The following SACS variants were observed in gnomAD, a reference collection of about 807,000 sequenced individuals.
The protein encoded by SACS is sacsin molecular chaperone.
SACS carries 197 observed loss-of-function variants against 348.0 expected under a neutral mutation model. The ratio of observed to expected loss-of-function variants is 0.57; its 90% CI spans 0.50 to 0.64. The LOEUF (loss-of-function observed/expected upper bound fraction) is 0.64. SACS is among the 30% of genes least tolerant of loss of function. The pLI, the probability that SACS is intolerant of heterozygous loss-of-function variation, is 0.00. For synonymous variants in SACS, 1,985 were observed against 1,910.6 expected, an observed-to-expected ratio of 1.04 and a Z score of -1.02; for missense variants, 4,999 against 5,360.8, an observed-to-expected ratio of 0.93 and a Z score of 2.11.
intron 2 of SACS, among the ~76,000 whole-genome samples, chr13:23,395,245 T>A (rs1872668564): frequency 6.6e-6 from 1 of 152,058 alleles, no homozygotes; most frequent in African/African-American, 2.4e-5. Context: ...TAGTTAAGAG[T>A]ATGGGAGCTT....
intron 2 of SACS, among the ~76,000 whole-genome samples, chr13:23,379,858 C>T (rs1871969724): frequency 6.6e-6 from 1 of 152,152 alleles, no homozygotes; most frequent in African/African-American, 2.4e-5. Context: ...ATGAACAGGG[C>T]TTCCCTGGGC....
At chr13:23,376,805 G>A (rs1363056262) in intron 2 of SACS, among the ~76,000 whole-genome samples, 1 of 152,152 alleles carries the variant, frequency 6.6e-6, no homozygotes, top group Admixed American at 6.5e-5. Flanking sequence ...TAATCCCAGC[G>A]CTTTGGGAGG....
intron 2 of SACS, among the ~76,000 whole-genome samples, chr13:23,377,655 T>G (rs1387843532): frequency 1.3e-5 from 2 of 152,196 alleles, no homozygotes; most frequent in African/African-American, 2.4e-5. Flanking sequence ...TGTGCATATG[T>G]GTTCCTTCCT....
intron 9 of SACS, chr13:23,346,916 A>G (rs1869642990): frequency 2.2e-6 from 1 of 450,982 alleles, no homozygotes; most frequent in Non-Finnish European, 2.9e-6. Context: ...ATTATTCTGT[A>G]TCTTAAGATA....
At chr13:23,397,262 A>G (rs530044246) in intron 2 of SACS, among the ~76,000 whole-genome samples, 1 of 152,316 alleles carries the variant, frequency 6.6e-6, no homozygotes, top group Non-Finnish European at 1.5e-5. Flanking sequence ...TGTTTTCATT[A>G]AGGGAAAAGA....
chr13:23,334,316 A>C lies in SACS; in HGVS notation c.9560T>G (p.Leu3187Trp). 1.2e-6 allele frequency: 2 copies of C among 1,610,070 alleles called. No individual in the cohort carries two copies. Among genetic ancestry groups the C allele is most frequent in the Non-Finnish European group, 1.7e-6 (2 of 1,177,730 alleles). Residue 3187 changes from leucine to tryptophan, a missense_variant, in exon 10 of 10, where the codon TTG (leucine) becomes TGG (tryptophan). By Grantham distance (61) the Leu-to-Trp change is moderately conservative. Transcript: ENST00000382292. The stretch of plus-strand genomic sequence containing the variant: ...TTTCAAATATAATGTATTCATAAAC[A>C]AGTCTTTGCGGGATGGAATCAATTC... ...YHELIPSRKDLFMNTLYLKYS... is the reference protein window; with the variant it reads ...YHELIPSRKDWFMNTLYLKYS...
intron 9 of SACS, among the ~76,000 whole-genome samples, chr13:23,350,694 G>T (rs1869892946): frequency 6.6e-6 from 1 of 152,124 alleles, no homozygotes. Flanking sequence ...TCATTATGTA[G>T]AGCAAAAAAT....
intron 1 of SACS, chr13:23,428,919 A>G (rs1415799229): frequency 6.6e-6 from 1 of 152,200 alleles, no homozygotes; most frequent in Non-Finnish European, 1.5e-5. Context: ...TTTTGTATGT[A>G]GTTTATCTGG....
intron 1 of SACS, among the ~76,000 whole-genome samples, chr13:23,422,759 C>T (rs1226051404): frequency 1.3e-5 from 2 of 151,746 alleles, no homozygotes; most frequent in African/African-American, 2.4e-5. Context: ...CCTGGGTTCA[C>T]GCCATTCTCC....
At position 23,332,424 on chromosome 13, in the gene SACS, C is replaced by G; in HGVS notation, c.11452G>C (p.Glu3818Gln). ...PEEVVINLEY[E>Q]SDFKPYLYKL... is the part of the protein sequence containing the mutation. ...TACAAATAAGGTTTAAAATCAGATT[C>G]ATATTCTAGGTTTATGACTACCTCC... Residue 3818 changes from glutamate (E) to glutamine (Q), a missense_variant, in exon 10 of 10, where the codon GAA (glutamate) becomes CAA (glutamine). Coordinates refer to ENST00000382292, the MANE Select transcript of SACS (RefSeq NM_014363.6). The G allele has an allele frequency of 6.2e-7, 1 of 1,613,910 alleles. No homozygotes were observed. The highest frequency in any genetic ancestry group is 8.5e-7 in the Non-Finnish European group (1 of 1,179,924).
Position 23,340,566 on chromosome 13 carries a change from C to T in SACS, c.3310G>A (p.Val1104Met). The T allele has an allele frequency of 6.2e-7, 1 of 1,613,476 alleles. No individual in the cohort carries two copies. The highest frequency in any genetic ancestry group is 8.5e-7 in the Non-Finnish European group (1 of 1,179,834). The change falls in exon 10 of 10, where the codon GTG (valine) becomes ATG (methionine). Residue 1104 changes from valine (V) to methionine (M), a missense_variant. Val to Met is a conservative substitution (Grantham distance 21, BLOSUM62 1). Transcript: ENST00000382292. ...GCTTCAATTTTTTTTGCCACTTGCA[C>T]AACATCCTTTTCTTTGAGACTGGCT... ...NEASLKEKDV[V>M]QVAKKIEALQ...
chr13:23,410,803 T>A (rs1397174871), intron 2 of SACS, among the ~76,000 whole-genome samples: 4 of 152,178 alleles, frequency 2.6e-5, no homozygotes, highest in Non-Finnish European at 5.9e-5. Flanking sequence ...AAGGGAAAAG[T>A]GGAGTTCTCT....
At chr13:23,409,233 T>A (rs990317440) in intron 2 of SACS, among the ~76,000 whole-genome samples, 1 of 149,056 alleles carries the variant, frequency 6.7e-6, no homozygotes, top group African/African-American at 2.5e-5. Flanking sequence ...GTTTTTAGTA[T>A]TTTAGTAGAG....
In SACS at chr13:23,339,359, C is replaced by T; in HGVS notation, c.4517G>A (p.Arg1506Lys). ...CATCCCTGGGTCTAGGAGATTCTCT[C>T]TTATGTCCATATTTCTTCTCATATC... is the stretch of plus-strand genomic sequence containing the variant. Reference protein sequence around the residue: ...LIDMRRNMDIRENLLDPGMAA... With the variant: ...LIDMRRNMDIKENLLDPGMAA... Residue 1506 changes from arginine to lysine, a missense_variant, in exon 10 of 10, where the codon AGA becomes AAA. This residue lies in a region of SACS where 3,156 missense variants were observed against 3,380.1 expected (regional missense o/e 0.93). Transcript: ENST00000382292. 1 of 1,613,512 alleles carries T rather than the reference C, an allele frequency of 6.2e-7. No individual in the cohort carries two copies. Among genetic ancestry groups the T allele is most frequent in the Non-Finnish European group, 8.5e-7 (1 of 1,179,822 alleles).
chr13:23,397,480 A>C (rs1167829329), intron 2 of SACS, among the ~76,000 whole-genome samples: 2 of 152,236 alleles, frequency 1.3e-5, no homozygotes, highest in Non-Finnish European at 2.9e-5. Flanking sequence ...GTCTCTGTTA[A>C]AATGACAAAG....
chr13:23,329,907 T>A lies in SACS; in HGVS notation c.*229A>T, dbSNP rs1883357455. On this transcript the variant is annotated 3_prime_UTR_variant, in exon 10 of 10. Transcript: ENST00000382292. The stretch of plus-strand genomic sequence containing the variant: ...TGATGTATCATCCCAATCATTCAAA[T>A]CCATCCAGCTATTTTGCAGCTCACC... 1.8e-6 allele frequency: 1 copy of A among 564,206 alleles called. No individual in the cohort carries two copies. The highest frequency in any genetic ancestry group is 3.2e-6 in the Non-Finnish European group (1 of 317,034). The allele number at this position is 564,206 out of a possible 1,614,324, so 34.9% of individuals were successfully genotyped here. A position where few individuals can be genotyped will look rare whatever the true frequency, so the allele number is the denominator to read the frequency against.
At chr13:23,382,032 T>C (rs1872077659) in intron 2 of SACS, among the ~76,000 whole-genome samples, 1 of 152,258 alleles carries the variant, frequency 6.6e-6, no homozygotes, top group South Asian at 2.1e-4. Context: ...GAAAAGATTA[T>C]AAACGGCTGC....
In SACS at chr13:23,355,456, C is replaced by T; in HGVS notation, c.1156G>A (p.Asp386Asn). ...ACCAACCAAGATGTTTTCTGTGCAT[C>T]CTTAGTACTCTCCTCTTCTAAAACA... The part of the protein sequence containing the change: ...NIVLEEESTK[D>N]AQKTSWLVCN... Residue 386 changes from aspartate (D) to asparagine (N), a missense_variant, in exon 8 of 10, where the codon GAT (aspartate) becomes AAT (asparagine). Physicochemically the swap from Asp to Asn is conservative, Grantham distance 23. Transcript: ENST00000382292. 2 of 1,614,072 alleles carry T rather than the reference C, an allele frequency of 1.2e-6. No individual in the cohort carries two copies. The highest frequency in any genetic ancestry group is 1.7e-6 in the Non-Finnish European group (2 of 1,179,982).
chr13:23,391,904 A>G (rs1312972616), intron 2 of SACS, among the ~76,000 whole-genome samples: 1 of 152,230 alleles, frequency 6.6e-6, no homozygotes, highest in Non-Finnish European at 1.5e-5. Context: ...CTTCATGTGC[A>G]CATGGAACAT....
Sources: gnomAD v4.1 joint callset for allele counts (sites outside exome capture counted in the v4.1 genomes callset) on GRCh38, gnomAD v4.1.1 for gene constraint, gnomAD v4.1.1 regional missense constraint, MANE v1.5 for transcripts, NCBI Gene and HGNC (gene_info 2026-07-23, HGNC 2026-07-21) for gene names.